NR6A1: variants seen among roughly 807,000 people sequenced by gnomAD.
The protein encoded by NR6A1 is nuclear receptor subfamily 6 group A member 1.
In NR6A1, 7 loss-of-function variants were observed where a neutral mutation model predicts 59.1. That is an observed-to-expected ratio of 0.12 (90% confidence interval 0.07 to 0.22). The LOEUF (loss-of-function observed/expected upper bound fraction) is 0.22, where lower values mean the gene tolerates loss of function less well. Ranked by LOEUF, NR6A1 falls within the 10% of genes least tolerant of loss-of-function variation. NR6A1 has a pLI of 1.00. For missense variants in NR6A1, 468 were observed against 611.6 expected (o/e 0.77, Z 2.48); for synonymous variants, 243 against 236.1 (o/e 1.03, Z -0.27).
chr9:124,552,540 T>C (rs376439461), intron 3 of NR6A1, among the ~76,000 whole-genome samples: 1 of 152,220 alleles, frequency 6.6e-6, no homozygotes, highest in African/African-American at 2.4e-5. Context: ...TAAACAGCTA[T>C]GCCACATGGT....
At position 124,771,226 on chromosome 9, in the gene NR6A1, A is replaced by C; in HGVS notation, c.-107T>G. On this transcript the variant is annotated 5_prime_UTR_variant, in exon 1 of 10. Coordinates refer to ENST00000487099, the MANE Select transcript of NR6A1 (RefSeq NM_033334.4). Reference sequence around the variant, plus strand: ...GGGAGGAGGTTGTCAGGAGCCCGCGAGCTCCCGGCCGCGGCTCTCTCTGGG... The same window carrying C: ...GGGAGGAGGTTGTCAGGAGCCCGCGCGCTCCCGGCCGCGGCTCTCTCTGGG... 1.7e-6 allele frequency: 1 copy of C among 579,648 alleles called. No homozygotes were observed. The highest frequency in any genetic ancestry group is 2.5e-6 in the Non-Finnish European group (1 of 392,512). The allele number at this position is 579,648 out of a possible 1,614,324, so 35.9% of individuals were successfully genotyped here. A position where few individuals can be genotyped will look rare whatever the true frequency, so the allele number is the denominator to read the frequency against.
intron 1 of NR6A1, among the ~76,000 whole-genome samples, chr9:124,736,154 C>T (rs1317277598): frequency 3.9e-5 from 6 of 152,118 alleles, no homozygotes; most frequent in South Asian, 2.1e-4. Flanking sequence ...GAAGGTTAGA[C>T]CTCTCCTAGG....
intron 2 of NR6A1, among the ~76,000 whole-genome samples, chr9:124,645,522 A>G (rs1836904195): frequency 6.6e-6 from 1 of 152,248 alleles, no homozygotes; most frequent in South Asian, 2.1e-4. Context: ...AGCAGACTTT[A>G]GAGTGAGGAA....
chr9:124,656,764 G>A (rs546299438), intron 2 of NR6A1, among the ~76,000 whole-genome samples: 94 of 152,234 alleles, frequency 6.2e-4, no homozygotes, highest in African/African-American at 2.2e-3. Context: ...CCCAGGAGGC[G>A]GAAGTTGCAG....
chr9:124,731,884 A>G (rs555512169), intron 2 of NR6A1, among the ~76,000 whole-genome samples: 7 of 152,314 alleles, frequency 4.6e-5, no homozygotes, highest in African/African-American at 1.7e-4. Flanking sequence ...GTCAAAAGTT[A>G]TAAGTGGACT....
At position 124,733,349 on chromosome 9, in the gene NR6A1, C is replaced by T. The variant is rs1336313841; in HGVS notation, c.101G>A (p.Gly34Asp). The T allele has an allele frequency of 3.7e-6, 6 of 1,611,688 alleles. No individual in the cohort carries two copies. The African/African-American group carries it at 4.0e-5, about 11-fold the overall frequency. Residue 34 changes from glycine (G) to aspartate (D), a missense_variant and splice_region_variant, in exon 2 of 10, where the codon GGT becomes GAT. Gly to Asp is a moderately conservative substitution (Grantham distance 94). Transcript: ENST00000487099. Reference sequence around the variant, plus strand: ...CTCTGCCAATTCATCCTGACAGAAACCTAAAGAGAAAACAATAGGAAAAAA... The same window carrying T: ...CTCTGCCAATTCATCCTGACAGAAATCTAAAGAGAAAACAATAGGAAAAAA... Reference protein sequence around the residue: ...PAALPPPPRNGFCQDELAELD... With the variant: ...PAALPPPPRNDFCQDELAELD...
chr9:124,741,450 C>T (rs939721471), intron 1 of NR6A1, among the ~76,000 whole-genome samples: 3 of 152,120 alleles, frequency 2.0e-5, no homozygotes, highest in African/African-American at 7.2e-5. Flanking sequence ...CCAGAGGCCT[C>T]GAAGGTAGAG....
chr9:124,612,532 C>T (rs762380151), intron 2 of NR6A1, among the ~76,000 whole-genome samples: 8 of 152,230 alleles, frequency 5.3e-5, no homozygotes, highest in Admixed American at 4.6e-4. Flanking sequence ...GGGAAGAGTA[C>T]CAGGAACATA....
At chr9:124,571,141 G>C (rs779036349) in intron 2 of NR6A1, among the ~76,000 whole-genome samples, 7 of 152,150 alleles carry the variant, frequency 4.6e-5, no homozygotes, top group Non-Finnish European at 8.8e-5. Context: ...ATCTAGAAGA[G>C]GTATCACCTG....
At chr9:124,603,402 GT>G (rs1300914996) in intron 2 of NR6A1, among the ~76,000 whole-genome samples, 1 of 152,078 alleles carries the variant, frequency 6.6e-6, no homozygotes, top group Non-Finnish European at 1.5e-5. Flanking sequence ...CTCACGACAG[GT>G]TTTTTCCCCT....
chr9:124,548,231 A>T (rs1034312831), intron 3 of NR6A1, among the ~76,000 whole-genome samples: 1 of 152,268 alleles, frequency 6.6e-6, no homozygotes, highest in African/African-American at 2.4e-5. Context: ...GGTAAAGGGC[A>T]TATGGGAATT....
chr9:124,630,987 G>A (rs182425489), intron 2 of NR6A1, among the ~76,000 whole-genome samples: 50 of 151,974 alleles, frequency 3.3e-4, no homozygotes, highest in Admixed American at 7.2e-4. Context: ...ATTTCTTGAA[G>A]TCTCAGTTTT....
rs961007913 is a variant in NR6A1, at chr9:124,517,986, TCAA to T, written c.*4716_*4718del. ...TTTTTCTTTTTCATGGAAATTTGAA[TCAA>T]CAACATTATCACCTATTACAAGACA... is the stretch of plus-strand genomic sequence containing the variant. On this transcript the variant is annotated 3_prime_UTR_variant, in exon 10 of 10. Transcript: ENST00000487099. 3.3e-5 allele frequency: 5 copies of T among 150,796 alleles called. No individual in the cohort carries two copies. The highest frequency in any genetic ancestry group is 7.3e-5 in the African/African-American group (3 of 40,904). 9.3% of individuals were successfully genotyped at this position (150,796 alleles called of 1,614,324 possible).
intron 1 of NR6A1, among the ~76,000 whole-genome samples, chr9:124,766,057 T>C (rs1249982612): frequency 1.3e-5 from 2 of 152,188 alleles, no homozygotes; most frequent in Admixed American, 6.5e-5. Context: ...AGAAATACTG[T>C]ATATCAAAGT....
chr9:124,747,352 G>A (rs1373357453), intron 1 of NR6A1, among the ~76,000 whole-genome samples: 3 of 151,916 alleles, frequency 2.0e-5, no homozygotes, highest in Non-Finnish European at 4.4e-5. Context: ...GTGCCACCAC[G>A]TCCAGCCTGA....
At chr9:124,645,454 C>T (rs1348911926) in intron 2 of NR6A1, among the ~76,000 whole-genome samples, 1 of 152,150 alleles carries the variant, frequency 6.6e-6, no homozygotes, top group Non-Finnish European at 1.5e-5. Context: ...TGGAGAAATA[C>T]ATACCATCCT....
intron 2 of NR6A1, among the ~76,000 whole-genome samples, chr9:124,642,147 CA>C (rs1373700803): frequency 2.0e-5 from 3 of 152,084 alleles, no homozygotes; most frequent in African/African-American, 7.2e-5. Context: ...CTCCTGGGTT[CA>C]AGCCAATTCT....
intron 1 of NR6A1, among the ~76,000 whole-genome samples, chr9:124,755,168 A>T (rs974567449): frequency 6.4e-3 from 22 of 3,422 alleles, no homozygotes; most frequent in African/African-American, 0.018. Context: ...GTTGAGTCAC[A>T]TTACCGTGGA....
intron 1 of NR6A1, among the ~76,000 whole-genome samples, chr9:124,751,375 A>G (rs1302255921): frequency 6.6e-6 from 1 of 152,226 alleles, no homozygotes; most frequent in African/African-American, 2.4e-5. Context: ...TGTGTGTGTG[A>G]TTTACAATTT....
Sources: gnomAD v4.1 joint callset for allele counts (sites outside exome capture counted in the v4.1 genomes callset) on GRCh38, gnomAD v4.1.1 for gene constraint, MANE v1.5 for transcripts, NCBI Gene and HGNC (gene_info 2026-07-23, HGNC 2026-07-21) for gene names.